SPOPL: variants seen among roughly 807,000 people sequenced by gnomAD.
The protein encoded by SPOPL is speckle-type POZ protein-like.
SPOPL carries 23 observed loss-of-function variants against 53.8 expected under a neutral mutation model. The observed-to-expected ratio is 0.43, with a 90% confidence interval of 0.31 to 0.61. The LOEUF (loss-of-function observed/expected upper bound fraction) is 0.61. SPOPL is among the 20% of genes least tolerant of loss of function. SPOPL has a pLI of 0.12. For synonymous variants in SPOPL, 164 were observed against 149.7 expected (o/e 1.10, Z -0.70); for missense variants, 442 against 466.9 (o/e 0.95, Z 0.49).
At chr2:138,511,322 G>A (rs1684318302) in intron 1 of SPOPL, among the ~76,000 whole-genome samples, 1 of 152,138 alleles carries the variant, frequency 6.6e-6, no homozygotes, top group Non-Finnish European at 1.5e-5. Context: ...GTTGTGTAAT[G>A]AAACCAGTAT....
At chr2:138,519,665 G>A (rs1405042098) in intron 1 of SPOPL, among the ~76,000 whole-genome samples, 1 of 152,150 alleles carries the variant, frequency 6.6e-6, no homozygotes, top group Non-Finnish European at 1.5e-5. Flanking sequence ...GGTATGGCAT[G>A]CACCTGTAGT....
At position 138,569,919 on chromosome 2, in the gene SPOPL, G is replaced by A. The variant is rs1459486153; in HGVS notation, c.*839G>A. ...TGGGCCAATTAAGAAAGATACATAT[G>A]CACTTTTACTGTGTAACTTTTGTAT... On this transcript the variant is annotated 3_prime_UTR_variant, in exon 11 of 11. Coordinates refer to ENST00000280098, the MANE Select transcript of SPOPL (RefSeq NM_001001664.3). 2 of 152,470 alleles carry A rather than the reference G, an allele frequency of 1.3e-5. No individual in the cohort carries two copies. Among genetic ancestry groups the A allele is most frequent in the African/African-American group, 4.8e-5 (2 of 41,394 alleles). 9.4% of individuals were successfully genotyped at this position (152,470 alleles called of 1,614,324 possible).
chr2:138,545,649 C>T (rs1473187211), intron 1 of SPOPL, among the ~76,000 whole-genome samples: 1 of 151,890 alleles, frequency 6.6e-6, no homozygotes, highest in African/African-American at 2.4e-5. Flanking sequence ...CCGTGTTAGC[C>T]AGGATGGTCT....
chr2:138,542,957 C>A (rs1055753803), intron 1 of SPOPL, among the ~76,000 whole-genome samples: 1 of 152,166 alleles, frequency 6.6e-6, no homozygotes, highest in Non-Finnish European at 1.5e-5. Flanking sequence ...TCAGCATTTG[C>A]TTGTCTGTAA....
At chr2:138,552,723 G>T in intron 5 of SPOPL, 42 bp downstream of exon 5, 5 of 1,585,214 alleles carry the variant, frequency 3.2e-6, no homozygotes, top group Non-Finnish European at 4.3e-6. Context: ...GGTTTATTTA[G>T]TGATATGGCA....
intron 1 of SPOPL, among the ~76,000 whole-genome samples, chr2:138,532,632 C>T (rs1209211798): frequency 3.7e-5 from 5 of 133,858 alleles, no homozygotes; most frequent in Non-Finnish European, 6.2e-5. Context: ...TTAGTAGAGA[C>T]GGGGTTTCAC....
At chr2:138,560,716 G>T (rs1225111009) in intron 7 of SPOPL, 89 bp from the exon 8 acceptor site, 9 of 1,351,472 alleles carry the variant, frequency 6.7e-6, no homozygotes, top group South Asian at 6.0e-5. Context: ...TAGATTTAGG[G>T]CTTTTAAATT....
intron 1 of SPOPL, among the ~76,000 whole-genome samples, chr2:138,522,424 G>A (rs902360861): frequency 2.0e-5 from 3 of 152,056 alleles, no homozygotes; most frequent in Non-Finnish European, 4.4e-5. Context: ...AAACTATAAG[G>A]TAAATGAAGG....
At chr2:138,512,137 G>C (rs1684336957) in intron 1 of SPOPL, among the ~76,000 whole-genome samples, 1 of 152,020 alleles carries the variant, frequency 6.6e-6, no homozygotes, top group African/African-American at 2.4e-5. Context: ...TTATCAAATG[G>C]TTCATTGATA....
chr2:138,532,366 G>A (rs887302423), intron 1 of SPOPL, among the ~76,000 whole-genome samples: 5 of 151,632 alleles, frequency 3.3e-5, no homozygotes, highest in African/African-American at 1.2e-4. Context: ...AATATTCTTG[G>A]GGAGAAAAGT....
chr2:138,555,987 C>A (rs1460403344), intron 5 of SPOPL, among the ~76,000 whole-genome samples: 1 of 151,960 alleles, frequency 6.6e-6, no homozygotes, highest in African/African-American at 2.4e-5. Flanking sequence ...CATTCATTAC[C>A]TGCATTTGAG....
chr2:138,532,593 ATTTTTTTTTTTT>A (rs71301784), intron 1 of SPOPL, among the ~76,000 whole-genome samples: 1 of 111,874 alleles, frequency 8.9e-6, no homozygotes, highest in South Asian at 2.9e-4. Flanking sequence ...CGCCCGGCTA[ATTTTTTTTTTTT>A]TTTTTTTTTT....
intron 1 of SPOPL, among the ~76,000 whole-genome samples, chr2:138,511,584 C>T (rs1558860709): frequency 6.6e-6 from 1 of 152,156 alleles, no homozygotes; most frequent in East Asian, 1.9e-4. Context: ...ATCACAGTTG[C>T]TGTCAATTAC....
rs201949512 is a variant in SPOPL at position 138,560,810 on chromosome 2, A to T, written c.720A>T (p.Arg240=). Reference sequence around the variant, plus strand: ...GTGTTGTTTTTCGATATCAGAATCGAGTGGAAATAAATGATTTAGACCCTG... The same window carrying T: ...GTGTTGTTTTTCGATATCAGAATCGTGTGGAAATAAATGATTTAGACCCTG... ...EHEMEESKKN[R]VEINDLDPEV... is the part of the protein sequence containing the mutation. Residue 240 remains arginine (R), a synonymous_variant, in exon 8 of 11, where the codon CGA becomes CGT. Transcript: ENST00000280098. The T allele has an allele frequency of 2.5e-6, 4 of 1,584,118 alleles. No individual in the cohort carries two copies. The African/African-American group carries it at 4.1e-5, about 16-fold the overall frequency.
chr2:138,520,945 T>C (rs1447039796), intron 1 of SPOPL, among the ~76,000 whole-genome samples: 1 of 152,236 alleles, frequency 6.6e-6, no homozygotes, highest in African/African-American at 2.4e-5. Flanking sequence ...TCTTTTCTTA[T>C]ATGCCTTGTT....
intron 1 of SPOPL, among the ~76,000 whole-genome samples, chr2:138,502,491 T>A (rs1684126178): frequency 6.6e-6 from 1 of 152,200 alleles, no homozygotes; most frequent in Non-Finnish European, 1.5e-5. Context: ...TTTACCTGAG[T>A]GCTGCCCAAA....
At chr2:138,527,741 C>T (rs1684706647) in intron 1 of SPOPL, among the ~76,000 whole-genome samples, 1 of 152,114 alleles carries the variant, frequency 6.6e-6, no homozygotes, top group Admixed American at 6.5e-5. Flanking sequence ...GCTTTCCGTT[C>T]ATATATTAGG....
intron 1 of SPOPL, among the ~76,000 whole-genome samples, chr2:138,504,786 C>A (rs964466482): frequency 6.6e-6 from 1 of 152,196 alleles, no homozygotes; most frequent in African/African-American, 2.4e-5. Flanking sequence ...GGCTTAATTT[C>A]TGCAGAGCCC....
intron 8 of SPOPL, among the ~76,000 whole-genome samples, chr2:138,563,323 AT>A (rs1332177074): frequency 6.6e-6 from 1 of 152,040 alleles, no homozygotes; most frequent in Non-Finnish European, 1.5e-5. Flanking sequence ...ACAAAAAAAA[AT>A]TTTTTTAATT....
Sources: allele counts gnomAD v4.1 joint callset (sites outside exome capture counted in the v4.1 genomes callset), GRCh38; gene constraint gnomAD v4.1.1; transcripts MANE v1.5; gene names NCBI Gene and HGNC (gene_info 2026-07-23, HGNC 2026-07-21).